MYO3A: variants seen among roughly 807,000 people sequenced by gnomAD.
MYO3A encodes myosin IIIA.
Under a neutral mutation model 192.7 loss-of-function variants are expected in MYO3A, and 180 were observed. The ratio of observed to expected loss-of-function variants is 0.93; its 90% CI spans 0.83 to 1.06. The LOEUF (loss-of-function observed/expected upper bound fraction) is 1.06, where lower values mean the gene tolerates loss of function less well. Among genes scored for constraint, MYO3A ranks in the 50% least tolerant of loss-of-function variants. The pLI, the probability that MYO3A is intolerant of heterozygous loss-of-function variation, is 0.00. For missense variants in MYO3A, 1,896 were observed against 1,905.0 expected (o/e 1.00, Z 0.09); for synonymous variants, 628 against 645.3 (o/e 0.97, Z 0.41).
intron 21 of MYO3A, among the ~76,000 whole-genome samples, chr10:26,144,996 C>T (rs1386019032): frequency 1.3e-5 from 2 of 152,154 alleles, no homozygotes; most frequent in East Asian, 3.9e-4. Flanking sequence ...GCCAACATGG[C>T]AAAACCCTGT....
intron 22 of MYO3A, 140 bp downstream of exon 22, chr10:26,145,674 A>G (rs1262595318): frequency 2.6e-6 from 2 of 760,864 alleles, no homozygotes; most frequent in African/African-American, 1.7e-5. Flanking sequence ...ACTGGCCCTA[A>G]TTATGCCCTC....
chr10:26,001,385 G>A (rs1212053729), intron 6 of MYO3A, among the ~76,000 whole-genome samples: 1 of 125,862 alleles, frequency 7.9e-6, no homozygotes, highest in Non-Finnish European at 1.6e-5. Flanking sequence ...GATAAGGGGG[G>A]TGGGTGTACA....
At position 26,032,003 on chromosome 10, in the gene MYO3A, TTG is replaced by T. The variant is rs1167274141; in HGVS notation, c.953+5475_953+5476del. Among the ~76,000 whole-genome samples, 27 of 152,336 alleles carry T rather than the reference TTG, an allele frequency of 1.8e-4. No homozygotes were observed. The East Asian group carries it at 5.0e-3, about 28-fold the overall frequency. ...AACATGTTAACATCTTAAATTTCTTTTGTGTTTTATATACAATGCAAAATAAC... is the reference window on the plus strand; with the variant it reads ...AACATGTTAACATCTTAAATTTCTTTTGTTTTATATACAATGCAAAATAAC... On this transcript the variant is annotated intron_variant, in intron 10 of 34. Transcript: ENST00000642920.
chr10:25,948,505 T>G (rs1476361188), intron 2 of MYO3A, among the ~76,000 whole-genome samples: 1 of 152,108 alleles, frequency 6.6e-6, no homozygotes, highest in East Asian at 1.9e-4. Flanking sequence ...GCTTACATGA[T>G]CATATAACTA....
At chr10:25,946,015 G>A (rs1430845557) in intron 2 of MYO3A, among the ~76,000 whole-genome samples, 2 of 152,004 alleles carry the variant, frequency 1.3e-5, no homozygotes, top group Non-Finnish European at 2.9e-5. Flanking sequence ...CACACTTTAT[G>A]TTATTGATGT....
intron 14 of MYO3A, among the ~76,000 whole-genome samples, chr10:26,087,970 G>A (rs1221153636): frequency 6.6e-6 from 1 of 152,174 alleles, no homozygotes; most frequent in African/African-American, 2.4e-5. Context: ...GAACAGAACT[G>A]CGCTTGAATA....
At chr10:26,077,158 A>G (rs760517261) in intron 14 of MYO3A, among the ~76,000 whole-genome samples, 7 of 142,864 alleles carry the variant, frequency 4.9e-5, no homozygotes, top group Non-Finnish European at 7.6e-5. Flanking sequence ...CATGTCATCT[A>G]TGATTTATTT....
At chr10:26,123,189 C>T (rs927922675) in intron 18 of MYO3A, among the ~76,000 whole-genome samples, 2 of 151,916 alleles carry the variant, frequency 1.3e-5, no homozygotes, top group East Asian at 3.9e-4. Flanking sequence ...AAATCAAAAG[C>T]ACAAATTATT....
At chr10:25,944,172 T>C (rs1836682801) in intron 2 of MYO3A, among the ~76,000 whole-genome samples, 1 of 152,058 alleles carries the variant, frequency 6.6e-6, no homozygotes, top group Admixed American at 6.5e-5. Context: ...TTTTTTCCCC[T>C]TTCTTCTGTT....
intron 14 of MYO3A, among the ~76,000 whole-genome samples, chr10:26,071,682 A>G (rs1835217684): frequency 6.6e-6 from 1 of 152,204 alleles, no homozygotes; most frequent in Non-Finnish European, 1.5e-5. Flanking sequence ...AAGAAATGAA[A>G]TGACAATTTA....
chr10:26,170,251 G>A (rs1841977305), intron 28 of MYO3A, among the ~76,000 whole-genome samples, 165 bp from the exon 29 acceptor site: 1 of 152,064 alleles, frequency 6.6e-6, no homozygotes, highest in Admixed American at 6.5e-5. Flanking sequence ...CCATGTAGAA[G>A]AATCTTGTTA....
chr10:26,170,610 G>A, intron 29 of MYO3A, 71 bp downstream of exon 29: 1 of 1,501,498 alleles, frequency 6.7e-7, no homozygotes, highest in Non-Finnish European at 9.1e-7. Flanking sequence ...ATAGAATAAT[G>A]TTCACAGCCT....
At chr10:26,093,516 C>T (rs1026004126) in intron 15 of MYO3A, among the ~76,000 whole-genome samples, 7 of 152,286 alleles carry the variant, frequency 4.6e-5, no homozygotes, top group African/African-American at 1.4e-4. Context: ...AGCCTCTGGA[C>T]CACCCCTTTT....
intron 2 of MYO3A, among the ~76,000 whole-genome samples, chr10:25,943,070 T>G (rs1429163408): frequency 2.6e-5 from 4 of 152,038 alleles, no homozygotes; most frequent in Admixed American, 2.6e-4. Context: ...AGTGTTTTAT[T>G]ATTTTAGCTC....
chr10:26,143,544 C>T lies in MYO3A; in HGVS notation c.2359C>T (p.Leu787Phe), dbSNP rs765248180. Reference sequence around the variant, plus strand: ...GTTTCTGCAAAAGCCAATGGGTTTACTTTCCCTACTTGATGAAGAAAGTAG... The same window carrying T: ...GTTTCTGCAAAAGCCAATGGGTTTATTTTCCCTACTTGATGAAGAAAGTAG... ...DMFLQKPMGL[L>F]SLLDEESRFP... is the part of the protein sequence containing the mutation. Residue 787 changes from leucine to phenylalanine, a missense_variant, in exon 21 of 35, where the codon CTT becomes TTT. Physicochemically the swap from Leu to Phe is conservative, Grantham distance 22. Transcript: ENST00000642920. 6.2e-6 allele frequency: 10 copies of T among 1,614,052 alleles called. No homozygotes were observed. Among genetic ancestry groups the T allele is most frequent in the Non-Finnish European group, 7.6e-6 (9 of 1,179,980 alleles).
At chr10:26,147,339 ATGAG>A (rs2131869626) in intron 22 of MYO3A, 87 bp from the exon 23 acceptor site, 1 of 1,317,104 alleles carries the variant, frequency 7.6e-7, no homozygotes, top group South Asian at 1.2e-5. Context: ...TAAGCTCATA[ATGAG>A]TATCTGTTGT....
At chr10:26,081,218 C>T (rs1335208309) in intron 14 of MYO3A, among the ~76,000 whole-genome samples, 1 of 145,850 alleles carries the variant, frequency 6.9e-6, no homozygotes, top group African/African-American at 2.5e-5. Context: ...AGTTCAGACT[C>T]TCCTTGGGCG....
chr10:25,953,979 C>T (rs1405580136), intron 3 of MYO3A, among the ~76,000 whole-genome samples: 1 of 152,096 alleles, frequency 6.6e-6, no homozygotes, highest in East Asian at 1.9e-4. Context: ...AGGAGTCTTA[C>T]TCTTACATAT....
At chr10:26,051,661 A>G (rs954336387) in intron 10 of MYO3A, among the ~76,000 whole-genome samples, 2 of 151,242 alleles carry the variant, frequency 1.3e-5, no homozygotes, top group African/African-American at 4.8e-5. Flanking sequence ...CAGATGATTG[A>G]TAGCGGCTTG....
Sources: gnomAD v4.1 joint callset for allele counts (sites outside exome capture counted in the v4.1 genomes callset) on GRCh38, gnomAD v4.1.1 for gene constraint, MANE v1.5 for transcripts, NCBI Gene and HGNC (gene_info 2026-07-23, HGNC 2026-07-21) for gene names.